Variants in RASAL2 observed in about 807,000 individuals in gnomAD.
RASAL2 encodes the protein ras GTPase-activating protein nGAP.
Under a neutral mutation model 128.9 loss-of-function variants are expected in RASAL2, and 58 were observed. The observed-to-expected ratio is 0.45, with a 90% CI of 0.36 to 0.56. The LOEUF (loss-of-function observed/expected upper bound fraction) is 0.56. Ranked by LOEUF, RASAL2 falls within the 20% of genes least tolerant of loss-of-function variation. The probability of loss-of-function intolerance (pLI) is 0.00; values close to 1 mark genes in which losing one functional copy is unlikely to be tolerated. For missense variants in RASAL2, 1,360 were observed against 1,601.6 expected, an observed-to-expected ratio of 0.85 and a Z score of 2.57; for synonymous variants, 561 against 580.8, an observed-to-expected ratio of 0.97 and a Z score of 0.49.
chr1:178,280,336 TAA>T (rs748860745), intron 1 of RASAL2, among the ~76,000 whole-genome samples: 12 of 152,208 alleles, frequency 7.9e-5, no homozygotes, highest in Admixed American at 2.0e-4. Context: ...TGCAAAAATA[TAA>T]AAGAGTCGCT....
intron 15 of RASAL2, 141 bp downstream of exon 15, chr1:178,464,553 T>TA (rs1484781579): frequency 1.2e-6 from 1 of 849,650 alleles, no homozygotes; most frequent in African/African-American, 1.9e-5. Context: ...CATATCTATG[T>TA]AAAATAGGTC....
chr1:178,463,611 TAATCC>T (rs1398029738), intron 14 of RASAL2, among the ~76,000 whole-genome samples: 1 of 152,166 alleles, frequency 6.6e-6, no homozygotes, highest in Non-Finnish European at 1.5e-5. Flanking sequence ...TGAGTGATCT[TAATCC>T]ATCATGAAGT....
At chr1:178,216,713 C>T (rs552810123) in intron 1 of RASAL2, among the ~76,000 whole-genome samples, 140 of 152,170 alleles carry the variant, frequency 9.2e-4, no homozygotes, top group Non-Finnish European at 1.7e-3. Flanking sequence ...GATCTTGGCT[C>T]ACTGCAGCCT....
rs115816217 is a variant in RASAL2, at chr1:178,104,062, G to A, written c.202+9368G>A. Among the ~76,000 whole-genome samples the A allele has an allele frequency of 3.3e-3, 499 of 151,844 alleles. 4 individuals are homozygous for A. Among genetic ancestry groups the A allele is most frequent in the African/African-American group, 0.012 (484 of 41,452 alleles). ...GACAAAAAAAAGAGTGGGCTTTCCT[G>A]TTCTGAGGTTATGAAATAATTCTCT... On this transcript the variant is annotated intron_variant, in intron 1 of 17. Coordinates refer to ENST00000367649, the MANE Select transcript of RASAL2 (RefSeq NM_170692.4).
intron 1 of RASAL2, among the ~76,000 whole-genome samples, chr1:178,103,512 T>A (rs1472810453): frequency 6.6e-6 from 1 of 152,152 alleles, no homozygotes; most frequent in Non-Finnish European, 1.5e-5. Context: ...TCCCCACACA[T>A]AATGAATTAT....
At chr1:178,132,957 CAG>C (rs1319474577) in intron 1 of RASAL2, among the ~76,000 whole-genome samples, 1 of 151,862 alleles carries the variant, frequency 6.6e-6, no homozygotes, top group Non-Finnish European at 1.5e-5. Context: ...TTAGTAGAGA[CAG>C]AGTCCATGTC....
At position 178,449,010 on chromosome 1, in the gene RASAL2, GT is replaced by G. The variant is rs558212985; in HGVS notation, c.1628-2560del. ...CTAAGAGCATAAGCAGAATTAATTG[GT>G]AAGCTTCTTCAGGACAGGGGCTGTA... On this transcript the variant is annotated intron_variant, in intron 9 of 17. Transcript: ENST00000367649. Among the ~76,000 whole-genome samples the G allele has an allele frequency of 1.6e-3, 244 of 152,244 alleles. 1 individual carries two copies. The highest frequency in any genetic ancestry group is 5.7e-3 in the African/African-American group (238 of 41,554).
At chr1:178,105,873 A>G (rs895757095) in intron 1 of RASAL2, among the ~76,000 whole-genome samples, 3 of 152,070 alleles carry the variant, frequency 2.0e-5, no homozygotes, top group Admixed American at 1.3e-4. Flanking sequence ...ACGAGGTCTC[A>G]CTGTGTTGCC....
At chr1:178,333,911 A>G (rs1210910484) in intron 3 of RASAL2, among the ~76,000 whole-genome samples, 2 of 152,220 alleles carry the variant, frequency 1.3e-5, no homozygotes, top group African/African-American at 4.8e-5. Flanking sequence ...TTTATTGCCA[A>G]GAGAAAATAT....
chr1:178,292,020 G>C (rs1667301169), intron 2 of RASAL2, among the ~76,000 whole-genome samples: 1 of 134,746 alleles, frequency 7.4e-6, no homozygotes, highest in Non-Finnish European at 1.5e-5. Flanking sequence ...TGGGTGACTG[G>C]GCAAGACTTT....
chr1:178,272,113 G>T (rs1328196442), intron 1 of RASAL2, among the ~76,000 whole-genome samples: 1 of 152,048 alleles, frequency 6.6e-6, no homozygotes, highest in Non-Finnish European at 1.5e-5. Flanking sequence ...GTTATATACT[G>T]ATTGTACAGT....
intron 12 of RASAL2, among the ~76,000 whole-genome samples, chr1:178,455,105 T>C (rs1677672525): frequency 6.6e-6 from 1 of 152,178 alleles, no homozygotes; most frequent in African/African-American, 2.4e-5. Context: ...TAGAGTTTCA[T>C]ATAATTATTA....
intron 3 of RASAL2, among the ~76,000 whole-genome samples, chr1:178,353,981 G>A (rs1052405223): frequency 6.7e-6 from 1 of 149,664 alleles, no homozygotes; most frequent in East Asian, 1.9e-4. Context: ...AAAAAAAAAA[G>A]AAGAAGGAAG....
At chr1:178,434,819 A>T (rs1219521792) in intron 5 of RASAL2, among the ~76,000 whole-genome samples, 1 of 152,036 alleles carries the variant, frequency 6.6e-6, no homozygotes, top group African/African-American at 2.4e-5. Flanking sequence ...GCACTTTCAA[A>T]TGGCAAACAT....
intron 1 of RASAL2, among the ~76,000 whole-genome samples, chr1:178,149,110 G>C (rs1020083792): frequency 6.6e-6 from 1 of 152,042 alleles, no homozygotes; most frequent in Non-Finnish European, 1.5e-5. Flanking sequence ...TACCCTTGTT[G>C]AGTTAGATTA....
intron 3 of RASAL2, among the ~76,000 whole-genome samples, chr1:178,357,197 G>T (rs1371725992): frequency 6.6e-6 from 1 of 152,004 alleles, no homozygotes; most frequent in Non-Finnish European, 1.5e-5. Flanking sequence ...ATTTTTTATT[G>T]TTCAATCTGT....
At chr1:178,421,293 G>A (rs1229665991) in intron 5 of RASAL2, among the ~76,000 whole-genome samples, 1 of 152,126 alleles carries the variant, frequency 6.6e-6, no homozygotes, top group Non-Finnish European at 1.5e-5. Flanking sequence ...ACTAGCTTGA[G>A]TACAGCTCCC....
At chr1:178,121,179 C>T (rs542704248) in intron 1 of RASAL2, 1 of 152,326 alleles carries the variant, frequency 6.6e-6, no homozygotes, top group African/African-American at 2.4e-5. Context: ...TACAAGATCA[C>T]TTTCAGAGGT....
intron 3 of RASAL2, among the ~76,000 whole-genome samples, chr1:178,379,244 A>C (rs1425976476): frequency 6.6e-6 from 1 of 152,128 alleles, no homozygotes; most frequent in Non-Finnish European, 1.5e-5. Context: ...GGCTAGACAC[A>C]GTGGAGCACA....
Sources: allele counts gnomAD v4.1 joint callset (sites outside exome capture counted in the v4.1 genomes callset), GRCh38; gene constraint gnomAD v4.1.1; transcripts MANE v1.5; gene names NCBI Gene and HGNC (gene_info 2026-07-23, HGNC 2026-07-21).